HECW2: variants seen among roughly 807,000 people sequenced by gnomAD.
HECW2 encodes HECT, C2 and WW domain containing E3 ubiquitin protein ligase 2, also known as E3 ubiquitin-protein ligase HECW2.
A neutral mutation model predicts 175.2 loss-of-function variants in HECW2; 61 were observed. The ratio of observed to expected loss-of-function variants is 0.35; its 90% CI spans 0.28 to 0.43. HECW2 has a LOEUF of 0.43. HECW2 is among the 20% of genes least tolerant of loss of function. HECW2 has a pLI of 1.00. For missense variants in HECW2, 1,524 were observed against 2,000.5 expected, an observed-to-expected ratio of 0.76 and a Z score of 4.54; for synonymous variants, 671 against 731.0, an observed-to-expected ratio of 0.92 and a Z score of 1.32.
intron 28 of HECW2, among the ~76,000 whole-genome samples, chr2:196,207,690 G>A (rs1687119800): frequency 6.6e-6 from 1 of 152,178 alleles, no homozygotes; most frequent in Non-Finnish European, 1.5e-5. Flanking sequence ...TGTGTTTTAA[G>A]GTCAACGTAT....
chr2:196,357,880 C>A (rs1693434735), intron 2 of HECW2, among the ~76,000 whole-genome samples: 1 of 152,184 alleles, frequency 6.6e-6, no homozygotes, highest in South Asian at 2.1e-4. Context: ...GCCTCCCCAG[C>A]CATGTGGAAC....
intron 28 of HECW2, among the ~76,000 whole-genome samples, chr2:196,205,857 C>A (rs1376255296): frequency 6.6e-6 from 1 of 152,094 alleles, no homozygotes; most frequent in Non-Finnish European, 1.5e-5. Context: ...GCTATTTGCA[C>A]CAGTGTTTTA....
At chr2:196,424,560 A>C (rs1387113079) in intron 2 of HECW2, among the ~76,000 whole-genome samples, 2 of 152,146 alleles carry the variant, frequency 1.3e-5, no homozygotes, top group African/African-American at 2.4e-5. Flanking sequence ...AATGATAAGA[A>C]AGTGAAACAG....
At chr2:196,366,753 C>T (rs1693756026) in intron 2 of HECW2, among the ~76,000 whole-genome samples, 1 of 152,138 alleles carries the variant, frequency 6.6e-6, no homozygotes, top group Admixed American at 6.6e-5. Context: ...TTAATGGAAA[C>T]ACAAATGTTT....
chr2:196,308,006 C>G lies in HECW2; in HGVS notation c.2514G>C (p.Pro838=), dbSNP rs200575058. The change falls in exon 11 of 29, where the codon CCG becomes CCC. Residue 838 remains proline, a synonymous_variant. Transcript: ENST00000644978. ...HVNRTTTWQR[P]TAPPAPQVLQ... is the part of the protein sequence containing the mutation. ...GCACCTGCGGGGCTGGGGGAGCTGT[C>G]GGTCGCTGCCACGTCGTGGTTCTGT... The G allele has an allele frequency of 6.2e-6, 10 of 1,604,798 alleles. No individual in the cohort carries two copies. The highest frequency in any genetic ancestry group is 8.5e-6 in the Non-Finnish European group (10 of 1,173,138).
intron 2 of HECW2, among the ~76,000 whole-genome samples, chr2:196,359,020 C>T (rs1693486893): frequency 6.6e-6 from 1 of 152,186 alleles, no homozygotes; most frequent in Admixed American, 6.5e-5. Flanking sequence ...ATCTCCCTAA[C>T]ACAATGAAAC....
chr2:196,235,645 A>ATTTTTTT (rs1559454147), intron 21 of HECW2, among the ~76,000 whole-genome samples: 1 of 100,498 alleles, frequency 1.0e-5, no homozygotes, highest in African/African-American at 3.8e-5. Flanking sequence ...TAGATGCATT[A>ATTTTTTT]TTCTTTTTTT....
At chr2:196,588,995 T>C (rs990030780) in intron 1 of HECW2, among the ~76,000 whole-genome samples, 5 of 152,118 alleles carry the variant, frequency 3.3e-5, no homozygotes, top group Non-Finnish European at 7.3e-5. Flanking sequence ...TGTCAGGAGT[T>C]CAAGACCAGC....
intron 15 of HECW2, among the ~76,000 whole-genome samples, chr2:196,278,112 G>A (rs1690031617): frequency 1.8e-5 from 1 of 54,094 alleles, no homozygotes; most frequent in Non-Finnish European, 4.5e-5. Context: ...GTGTACCCTA[G>A]AACTTAAAGT....
At chr2:196,380,104 G>C (rs1173588223) in intron 2 of HECW2, among the ~76,000 whole-genome samples, 1 of 152,156 alleles carries the variant, frequency 6.6e-6, no homozygotes, top group East Asian at 1.9e-4. Flanking sequence ...GAAGTTCATA[G>C]GGGTGAAGCA....
At chr2:196,431,958 T>C (rs113913956) in intron 2 of HECW2, among the ~76,000 whole-genome samples, 2,514 of 152,338 alleles carry the variant, frequency 0.017, 67 homozygotes, top group African/African-American at 0.057. Flanking sequence ...TCAGTGGCTT[T>C]AACAATCTAA....
intron 2 of HECW2, among the ~76,000 whole-genome samples, chr2:196,352,092 T>G: frequency 6.6e-6 from 1 of 152,230 alleles, no homozygotes; most frequent in East Asian, 1.9e-4. Flanking sequence ...GAGAATTCAC[T>G]GGCAAACTTC....
At chr2:196,380,011 G>A (rs998697745) in intron 2 of HECW2, among the ~76,000 whole-genome samples, 1 of 151,950 alleles carries the variant, frequency 6.6e-6, no homozygotes, top group African/African-American at 2.4e-5. Context: ...GAGAAACAGT[G>A]AAATTTTAAT....
chr2:196,407,130 T>C (rs1278442265), intron 2 of HECW2, among the ~76,000 whole-genome samples: 2 of 152,106 alleles, frequency 1.3e-5, no homozygotes, highest in East Asian at 3.8e-4. Flanking sequence ...GAATACGAGC[T>C]TTCTGGTATA....
At chr2:196,228,671 T>G (rs1035782563) in intron 21 of HECW2, among the ~76,000 whole-genome samples, 2 of 152,202 alleles carry the variant, frequency 1.3e-5, no homozygotes, top group Non-Finnish European at 2.9e-5. Flanking sequence ...CAGTTACATA[T>G]GCTCACAGGA....
At chr2:196,472,868 G>T (rs200999662) in intron 1 of HECW2, among the ~76,000 whole-genome samples, 2 of 152,184 alleles carry the variant, frequency 1.3e-5, no homozygotes, top group Non-Finnish European at 1.5e-5. Context: ...TGATCCACCC[G>T]CCTTGGCCTC....
chr2:196,411,071 T>A (rs1400917182), intron 2 of HECW2, among the ~76,000 whole-genome samples: 1 of 152,230 alleles, frequency 6.6e-6, no homozygotes, highest in East Asian at 1.9e-4. Flanking sequence ...TGACCATAGT[T>A]CATTACAGCC....
chr2:196,517,043 A>G (rs1192131876), intron 1 of HECW2, among the ~76,000 whole-genome samples: 1 of 152,238 alleles, frequency 6.6e-6, no homozygotes, highest in Non-Finnish European at 1.5e-5. Flanking sequence ...ATCTAACTTG[A>G]CAGACTTCCT....
intron 28 of HECW2, among the ~76,000 whole-genome samples, chr2:196,210,169 T>C (rs1405467331): frequency 2.6e-5 from 4 of 152,154 alleles, no homozygotes; most frequent in Admixed American, 6.5e-5. Context: ...CTCCCTATAA[T>C]GGAGGAGGGA....
Sources: gnomAD v4.1 joint callset for allele counts (sites outside exome capture counted in the v4.1 genomes callset) on GRCh38, gnomAD v4.1.1 for gene constraint, MANE v1.5 for transcripts, NCBI Gene and HGNC (gene_info 2026-07-23, HGNC 2026-07-21) for gene names.